Variants in UACA observed in about 807,000 individuals in gnomAD.
The protein encoded by UACA is nuclear membrane binding protein.
Under a neutral mutation model 160.5 loss-of-function variants are expected in UACA, and 112 were observed. The ratio of observed to expected loss-of-function variants is 0.70; its 90% CI spans 0.60 to 0.82. The LOEUF (loss-of-function observed/expected upper bound fraction) is 0.82, where lower values mean the gene tolerates loss of function less well. UACA is among the 40% of genes least tolerant of loss of function. The pLI, the probability that UACA is intolerant of heterozygous loss-of-function variation, is 0.00. For synonymous variants in UACA, 557 were observed against 568.4 expected, an observed-to-expected ratio of 0.98 and a Z score of 0.29; for missense variants, 1,574 against 1,614.6, an observed-to-expected ratio of 0.97 and a Z score of 0.43.
At position 70,687,758 on chromosome 15, in the gene UACA, T is replaced by G. The variant is rs1199625101; in HGVS notation, c.487A>C (p.Lys163Gln). The G allele has an allele frequency of 1.9e-6, 3 of 1,613,712 alleles. No homozygotes were observed. Among genetic ancestry groups the G allele is most frequent in the Non-Finnish European group, 2.5e-6 (3 of 1,179,794 alleles). ...AACATAAACTAACTTACTACATCTT[T>G]GGCATTCACAGAGGCCCCATGGTCA... ...LCDHGASVNA[K>Q]DVDGRTPLVL... Residue 163 changes from lysine to glutamine, a missense_variant, in exon 6 of 19, where the codon AAA becomes CAA. Coordinates refer to ENST00000322954, the MANE Select transcript of UACA (RefSeq NM_018003.4).
At chr15:70,769,643 T>C in the UACA span, among the ~76,000 whole-genome samples, 1 of 152,132 alleles carries the variant, frequency 6.6e-6, no homozygotes, top group Non-Finnish European at 1.5e-5. Flanking sequence ...CCTTATAAAT[T>C]AATACATCTT....
chr15:70,763,222 G>T, intron 1 of UACA, 108 bp downstream of exon 1: 1 of 1,201,010 alleles, frequency 8.3e-7, no homozygotes. Context: ...CGCCGAAGCC[G>T]AACTGGCAGA....
At chr15:70,769,438 T>G in the UACA span, among the ~76,000 whole-genome samples, 1 of 151,628 alleles carries the variant, frequency 6.6e-6, no homozygotes, top group South Asian at 2.1e-4. Flanking sequence ...TTTACAGTCA[T>G]TTAAATTGAA....
chr15:70,772,620 C>A, the UACA span, among the ~76,000 whole-genome samples: 3 of 151,844 alleles, frequency 2.0e-5, no homozygotes, highest in African/African-American at 7.3e-5. Context: ...GTTTGAGTCA[C>A]CCACTGAGCA....
At position 70,669,250 on chromosome 15, in the gene UACA, T is replaced by C. The variant is rs375893173; in HGVS notation, c.1434A>G (p.Ala478=). Residue 478 remains alanine, a synonymous_variant, in exon 16 of 19, where the codon GCA becomes GCG. Transcript: ENST00000322954. ...AHKVAECKAL[A]LECERVKEDS... is the part of the protein sequence containing the mutation. The stretch of plus-strand genomic sequence containing the variant: ...CCTCCTTGACCCTTTCACATTCTAA[T>C]GCTAAAGCTTTGCATTCTGCCACTT... 7.7e-5 allele frequency: 125 copies of C among 1,613,984 alleles called. No individual in the cohort carries two copies. The highest frequency in any genetic ancestry group is 1.0e-4 in the Non-Finnish European group (120 of 1,180,008).
At chr15:70,697,837 G>A (rs1045447181) in intron 2 of UACA, among the ~76,000 whole-genome samples, 5 of 152,106 alleles carry the variant, frequency 3.3e-5, no homozygotes, top group African/African-American at 1.2e-4. Context: ...CATCACCAGA[G>A]GTCGGGAGTC....
At chr15:70,666,263 A>T (rs530180779) in intron 16 of UACA, among the ~76,000 whole-genome samples, 1 of 152,278 alleles carries the variant, frequency 6.6e-6, no homozygotes, top group African/African-American at 2.4e-5. Flanking sequence ...GGGGATGTAG[A>T]CTTTCTAGTC....
chr15:70,762,271 C>A (rs1567005185), intron 1 of UACA, among the ~76,000 whole-genome samples: 1 of 152,008 alleles, frequency 6.6e-6, no homozygotes, highest in Non-Finnish European at 1.5e-5. Context: ...CTCAAAAAAG[C>A]AGAAGCAGAT....
chr15:70,682,112 T>C (rs931984821), intron 9 of UACA: 9 of 152,204 alleles, frequency 5.9e-5, no homozygotes, highest in Non-Finnish European at 1.2e-4. Flanking sequence ...CTGCTTACTT[T>C]AACACAAATA....
intron 17 of UACA, among the ~76,000 whole-genome samples, chr15:70,663,579 T>C (rs1896795952): frequency 6.6e-6 from 1 of 152,100 alleles, no homozygotes; most frequent in Non-Finnish European, 1.5e-5. Context: ...CATATGTTTA[T>C]TGCGGCACTG....
At chr15:70,670,988 A>T (rs1257676851) in intron 15 of UACA, 51 bp downstream of exon 15, 1 of 1,292,032 alleles carries the variant, frequency 7.7e-7, no homozygotes, top group Non-Finnish European at 1.0e-6. Flanking sequence ...ATAAAGGCAC[A>T]AAAATTTTCT....
chr15:70,704,994 T>G (rs1166420117), intron 1 of UACA, among the ~76,000 whole-genome samples: 1 of 152,084 alleles, frequency 6.6e-6, no homozygotes, highest in Non-Finnish European at 1.5e-5. Flanking sequence ...TTTGTCGTAT[T>G]TGAATACAGT....
At chr15:70,689,186 C>A (rs772057538) in intron 5 of UACA, among the ~76,000 whole-genome samples, 4 of 152,144 alleles carry the variant, frequency 2.6e-5, no homozygotes, top group South Asian at 2.1e-4. Flanking sequence ...AAGGAAGATA[C>A]TCACAGGTAA....
chr15:70,770,074 T>C, the UACA span, among the ~76,000 whole-genome samples: 2 of 152,206 alleles, frequency 1.3e-5, no homozygotes, highest in African/African-American at 4.8e-5. Flanking sequence ...ATATAATACA[T>C]GGTTGATTGA....
rs59313425 is a variant in UACA at position 70,718,324 on chromosome 15, A to ATGTGTGTGTGTGTG, written c.79-18678_79-18665dup. 5.0e-3 allele frequency among the ~76,000 whole-genome samples: 304 copies of ATGTGTGTGTGTGTG among 60,220 alleles called. 22 individuals carry two copies. The highest frequency in any genetic ancestry group is 0.015 in the Middle Eastern group (1 of 66). 39.5% of individuals were successfully genotyped at this position (60,220 alleles called of 152,430 possible). A position where few individuals can be genotyped will look rare whatever the true frequency, so the allele number is the denominator to read the frequency against. ...AGAGGGAGAGGGAGAGAGAGAGAGAATGTGTGTGTGTGTGTGTGTGTGTGT... is the reference window on the plus strand; with the variant it reads ...AGAGGGAGAGGGAGAGAGAGAGAGAATGTGTGTGTGTGTGTGTGTGTGTGTGTGTGTGTGTGTGT... On this transcript the variant is annotated intron_variant, in intron 1 of 18. Transcript: ENST00000322954.
chr15:70,762,684 C>A (rs1210726373), intron 1 of UACA, among the ~76,000 whole-genome samples: 3 of 152,242 alleles, frequency 2.0e-5, no homozygotes, highest in Non-Finnish European at 4.4e-5. Context: ...CCCAACTTCA[C>A]CACCTCTAGG....
chr15:70,690,470 A>G lies in UACA; in HGVS notation c.408T>C (p.Thr136=). 1 of 1,613,108 alleles carries G rather than the reference A, an allele frequency of 6.2e-7. No homozygotes were observed. Residue 136 remains threonine, a synonymous_variant, in exon 5 of 19, where the codon ACT becomes ACC. Coordinates refer to ENST00000322954, the MANE Select transcript of UACA (RefSeq NM_018003.4). ...PTEHADLQGR[T]ALHDAAMADC... ...ACTGCTCACCGGCATCGTGAAGTGC[A>G]GTTCTTCCCTGCAGGTCTGCATGCT... is the stretch of plus-strand genomic sequence containing the variant.
At chr15:70,696,272 A>G (rs1178771545) in intron 2 of UACA, among the ~76,000 whole-genome samples, 1 of 152,230 alleles carries the variant, frequency 6.6e-6, no homozygotes, top group African/African-American at 2.4e-5. Context: ...ATTTTGGAAT[A>G]GAATAAATTC....
chr15:70,766,231 G>C (rs963318914), upstream of UACA, among the ~76,000 whole-genome samples: 2 of 152,182 alleles, frequency 1.3e-5, no homozygotes, highest in African/African-American at 4.8e-5. Flanking sequence ...TGAATATTCA[G>C]TAAAGCTTTT....
Sources: allele counts gnomAD v4.1 joint callset (sites outside exome capture counted in the v4.1 genomes callset), GRCh38; gene constraint gnomAD v4.1.1; transcripts MANE v1.5; gene names NCBI Gene and HGNC (gene_info 2026-07-23, HGNC 2026-07-21).